Variants in AHCYL1 observed in about 807,000 individuals in gnomAD.
AHCYL1 encodes the protein adenosylhomocysteinase like 1.
Under a neutral mutation model 79.3 loss-of-function variants are expected in AHCYL1, and 20 were observed. That is an observed-to-expected ratio of 0.25 (90% confidence interval 0.18 to 0.37). AHCYL1 has a LOEUF of 0.37. Among genes scored for constraint, AHCYL1 ranks in the 10% least tolerant of loss-of-function variants. The pLI is 1.00. For synonymous variants in AHCYL1, 223 were observed against 242.2 expected, an observed-to-expected ratio of 0.92 and a Z score of 0.74; for missense variants, 330 against 673.6, an observed-to-expected ratio of 0.49 and a Z score of 5.65.
chr1:109,994,265 T>G (rs1405883130), intron 1 of AHCYL1, among the ~76,000 whole-genome samples: 2 of 151,710 alleles, frequency 1.3e-5, no homozygotes, highest in Non-Finnish European at 2.9e-5. Context: ...TTTTGTGTTG[T>G]TTGTTTGTTT....
In AHCYL1 at chr1:110,021,672, A is replaced by G. The variant is rs753530837; in HGVS notation, c.1587-2A>G. On this transcript the variant is annotated splice_acceptor_variant, in intron 16 of 16. Transcript: ENST00000369799. LOFTEE classifies it high-confidence loss of function. ...TTAACCAATCACTCTCTCTCTTTAC[A>G]GATACTAATGGACCATACTACCAAG... is the stretch of plus-strand genomic sequence containing the variant. 6.2e-7 allele frequency: 1 copy of G among 1,612,304 alleles called. No homozygotes were observed. Among genetic ancestry groups the G allele is most frequent in the Non-Finnish European group, 8.5e-7 (1 of 1,178,828 alleles).
chr1:110,012,045 C>T (rs980666198), intron 3 of AHCYL1, among the ~76,000 whole-genome samples: 5 of 152,298 alleles, frequency 3.3e-5, no homozygotes, highest in Middle Eastern at 3.4e-3. Flanking sequence ...TTAGCCAATG[C>T]CTTAACTATT....
intron 1 of AHCYL1, among the ~76,000 whole-genome samples, chr1:109,996,817 A>G (rs1650060590): frequency 6.6e-6 from 1 of 152,122 alleles, no homozygotes; most frequent in African/African-American, 2.4e-5. Context: ...TCATTGACCA[A>G]CCTTCATTAC....
At chr1:109,985,197 G>A in intron 1 of AHCYL1, 25 bp downstream of exon 1, 2 of 1,596,156 alleles carry the variant, frequency 1.3e-6, no homozygotes, top group Non-Finnish European at 1.7e-6. Context: ...GGTGGCGGCG[G>A]GGGCTCGGGC....
At chr1:110,012,794 T>C (rs1651125324) in intron 4 of AHCYL1, 103 bp from the exon 5 acceptor site, 2 of 798,782 alleles carry the variant, frequency 2.5e-6, no homozygotes, top group East Asian at 5.4e-5. Flanking sequence ...GTGTAGCACC[T>C]GTTGGTGCAG....
chr1:110,014,717 A>G (rs1214719808), intron 5 of AHCYL1, 46 bp from the exon 6 acceptor site: 10 of 1,431,548 alleles, frequency 7.0e-6, no homozygotes, highest in South Asian at 1.1e-5. Flanking sequence ...TTGGTACAGG[A>G]CACTCCTCAA....
At chr1:109,995,964 A>G (rs959818019) in intron 1 of AHCYL1, among the ~76,000 whole-genome samples, 2 of 152,196 alleles carry the variant, frequency 1.3e-5, no homozygotes, top group Non-Finnish European at 2.9e-5. Context: ...TCACGCCTGT[A>G]ATCCCAACAC....
intron 1 of AHCYL1, among the ~76,000 whole-genome samples, chr1:109,996,113 A>G (rs1305557037): frequency 2.0e-5 from 3 of 152,178 alleles, no homozygotes; most frequent in African/African-American, 7.2e-5. Context: ...AGGCTGAGGC[A>G]GGAAAATCGC....
At chr1:110,003,292 GCAACCTTTATTTTTA>G (rs1650421335) in intron 1 of AHCYL1, among the ~76,000 whole-genome samples, 1 of 152,044 alleles carries the variant, frequency 6.6e-6, no homozygotes, top group Non-Finnish European at 1.5e-5. Flanking sequence ...GTTCATGTTT[GCAACCTTTATTTTTA>G]CAGGACCATG....
chr1:109,985,218 C>T (rs1006577285), intron 1 of AHCYL1, 46 bp downstream of exon 1: 3 of 1,576,430 alleles, frequency 1.9e-6, no homozygotes, highest in African/African-American at 2.7e-5. Context: ...TCCGGCCTCG[C>T]GGAAGGGACG....
At chr1:110,009,422 C>A (rs146560683) in intron 2 of AHCYL1, among the ~76,000 whole-genome samples, 1 of 152,186 alleles carries the variant, frequency 6.6e-6, no homozygotes, top group African/African-American at 2.4e-5. Context: ...CCACATTGAT[C>A]CGCCCATTTC....
chr1:110,009,542 C>T (rs1650886826), intron 2 of AHCYL1, among the ~76,000 whole-genome samples: 4 of 152,208 alleles, frequency 2.6e-5, no homozygotes, highest in Admixed American at 2.6e-4. Flanking sequence ...CTATCTCTTT[C>T]TTTCTTGTCT....
chr1:109,987,532 G>A (rs1322873269), intron 1 of AHCYL1, among the ~76,000 whole-genome samples: 2 of 152,218 alleles, frequency 1.3e-5, no homozygotes, highest in African/African-American at 4.8e-5. Flanking sequence ...ACTTCAGGGT[G>A]ACCTTGATGG....
intron 9 of AHCYL1, 106 bp downstream of exon 9, chr1:110,016,836 A>G: frequency 8.0e-7 from 1 of 1,256,406 alleles, no homozygotes. Context: ...CAAGGTTTAA[A>G]TTTTTTTAGA....
chr1:109,986,187 G>C (rs1024472817), intron 1 of AHCYL1, among the ~76,000 whole-genome samples: 5 of 152,158 alleles, frequency 3.3e-5, no homozygotes, highest in African/African-American at 1.2e-4. Flanking sequence ...TCTTTATAAA[G>C]ACAGAGTCTT....
chr1:110,001,427 C>G (rs2101709077), intron 1 of AHCYL1, among the ~76,000 whole-genome samples: 1 of 152,240 alleles, frequency 6.6e-6, no homozygotes, highest in South Asian at 2.1e-4. Flanking sequence ...CTTAGGTGAT[C>G]CACCCTGCTC....
chr1:110,013,447 C>T (rs1433641573), intron 5 of AHCYL1, among the ~76,000 whole-genome samples: 3 of 152,306 alleles, frequency 2.0e-5, no homozygotes. Context: ...TGGTGGCCCA[C>T]GCCTATAATC....
In AHCYL1 at chr1:110,018,491, T is replaced by C. The variant is rs750695043; in HGVS notation, c.1218+24T>C. On this transcript the variant is annotated intron_variant, in intron 12 of 16. Transcript: ENST00000369799. ...TGGTAAGGCTTCTCTCATTTGTTGC[T>C]AGGCATTTCTCTACTACCTTTCATT... is the stretch of plus-strand genomic sequence containing the variant. 8 of 1,613,690 alleles carry C rather than the reference T, an allele frequency of 5.0e-6. No individual in the cohort carries two copies. In the Middle Eastern group the frequency reaches 6.6e-4, roughly 133 times the overall value.
At chr1:110,001,326 A>G (rs1169870184) in intron 1 of AHCYL1, among the ~76,000 whole-genome samples, 1 of 152,106 alleles carries the variant, frequency 6.6e-6, no homozygotes, top group Non-Finnish European at 1.5e-5. Flanking sequence ...AGCTGGGACT[A>G]CAGGCACACG....
Sources: allele counts gnomAD v4.1 joint callset (sites outside exome capture counted in the v4.1 genomes callset), GRCh38; gene constraint gnomAD v4.1.1; transcripts MANE v1.5; gene names NCBI Gene and HGNC (gene_info 2026-07-23, HGNC 2026-07-21).